Variants in KIR2DL4 observed in about 807,000 individuals in gnomAD.
The protein encoded by KIR2DL4 is killer cell immunoglobulin-like receptor 2DL4.
In KIR2DL4, 41 loss-of-function variants were observed where a neutral mutation model predicts 31.0. The observed-to-expected ratio is 1.32, with a 90% confidence interval of 1.03 to 1.72. KIR2DL4 has a LOEUF of 1.72. KIR2DL4 is among the 40% of genes most tolerant of loss of function. The pLI is 0.00. For synonymous variants in KIR2DL4, 164 were observed against 133.6 expected (o/e 1.23, Z -1.57); for missense variants, 438 against 353.7 (o/e 1.24, Z -1.91).
chr19:54,807,241 T>C (rs2060583345), intron 4 of KIR2DL4, among the ~76,000 whole-genome samples: 1 of 150,568 alleles, frequency 6.6e-6, no homozygotes, highest in African/African-American at 2.5e-5. Context: ...ATTGTGTGTA[T>C]GTACTACTTT....
Position 54,808,890 on chromosome 19 carries a change from G to C in KIR2DL4, c.706+7G>C. On this transcript the variant is annotated splice_region_variant and intron_variant, in intron 5 of 7. Coordinates refer to ENST00000359085, the Ensembl canonical transcript of KIR2DL4. ...GAACCAAGCTTCAAAACTGGTAAGT[G>C]AAGGACCCCTCTTATCTCTGCTTTT... 3 of 1,602,372 alleles carry C rather than the reference G, an allele frequency of 1.9e-6. No individual in the cohort carries two copies. Among genetic ancestry groups the C allele is most frequent in the Non-Finnish European group, 2.6e-6 (3 of 1,172,194 alleles).
chr19:54,804,818 T>A (rs2060400853), exon 3 of KIR2DL4: 15 of 1,612,288 alleles, frequency 9.3e-6, no homozygotes, highest in Non-Finnish European at 1.1e-5. Flanking sequence ...CCTTCTGCTC[T>A]GCCTGGCCCA....
chr19:54,808,753 A>G, intron 4 of KIR2DL4, 80 bp from the exon 5 acceptor site: 7 of 1,080,536 alleles, frequency 6.5e-6, no homozygotes, highest in Non-Finnish European at 9.9e-6. Context: ...AATGTTGGCC[A>G]TGAACCAACC....
exon 8 of KIR2DL4, chr19:54,814,083 G>A: frequency 6.2e-7 from 1 of 1,611,862 alleles, no homozygotes. Context: ...CAGCTTGCCA[G>A]CTCTAATGTA....
chr19:54,812,636 C>A (rs2060930296), intron 5 of KIR2DL4, among the ~76,000 whole-genome samples: 2 of 150,318 alleles, frequency 1.3e-5, no homozygotes, highest in Admixed American at 6.6e-5. Context: ...CAGGCTGCTC[C>A]CACACTGACA....
chr19:54,805,257 A>G (rs1224337726), intron 3 of KIR2DL4, among the ~76,000 whole-genome samples, 180 bp downstream of exon 3: 1 of 151,214 alleles, frequency 6.6e-6, no homozygotes, highest in African/African-American at 2.4e-5. Flanking sequence ...CGATGGCCAC[A>G]TTGTAATCCT....
At position 54,805,004 on chromosome 19, in the gene KIR2DL4, A is replaced by C. The variant is rs1032536382; in HGVS notation, c.288A>C (p.Arg96Ser). ...CCCCAGCACACGCAGGGACCTACAG[A>C]TGTCGAGGTTTTCACCCGCACTCCC... is the stretch of plus-strand genomic sequence containing the variant. The change falls in exon 3 of 8, where the codon AGA (arginine) becomes AGC (serine). Residue 96 changes from arginine to serine, a missense_variant. Coordinates refer to ENST00000359085, the Ensembl canonical transcript of KIR2DL4. 7.8e-5 allele frequency: 125 copies of C among 1,611,752 alleles called. 2 individuals carry two copies. The African/African-American group carries it at 1.6e-3, about 20-fold the overall frequency.
chr19:54,805,904 G>A, intron 3 of KIR2DL4, 47 bp from the exon 4 acceptor site: 1 of 1,525,552 alleles, frequency 6.6e-7, no homozygotes, highest in Non-Finnish European at 8.9e-7. Flanking sequence ...GAGGGGAGCT[G>A]TGACAAGGAA....
intron 2 of KIR2DL4, 79 bp from the exon 3 acceptor site, chr19:54,804,713 TG>T: frequency 6.9e-7 from 1 of 1,447,476 alleles, no homozygotes; most frequent in Non-Finnish European, 9.5e-7. Context: ...AAAGAAGAAA[TG>T]GGGAGAATCT....
intron 5 of KIR2DL4, among the ~76,000 whole-genome samples, chr19:54,810,972 G>C (rs1265888334): frequency 4.0e-5 from 6 of 151,312 alleles, no homozygotes; most frequent in Non-Finnish European, 7.4e-5. Flanking sequence ...TGCCTGGTTT[G>C]ATTTTTCCTA....
Position 54,806,336 on chromosome 19 carries a change from T to A in KIR2DL4, c.655+92T>A, listed in dbSNP as rs1451327144. 3.2e-5 allele frequency: 43 copies of A among 1,354,522 alleles called. 2 individuals carry two copies. The highest frequency in any genetic ancestry group is 1.5e-4 in the Admixed American group (8 of 51,792). 83.9% of individuals were successfully genotyped at this position (1,354,522 alleles called of 1,614,324 possible). ...GATGATGGAGAGAAGCATGGACAGA[T>A]GTGGAGAGAAGATGCAGCATGGTGT... On this transcript the variant is annotated intron_variant, in intron 4 of 7. Coordinates refer to ENST00000359085, the Ensembl canonical transcript of KIR2DL4.
intron 1 of KIR2DL4, 70 bp downstream of exon 1, chr19:54,803,761 A>C: frequency 6.3e-7 from 1 of 1,581,758 alleles, no homozygotes; most frequent in South Asian, 1.1e-5. Flanking sequence ...TCCCCAGCAG[A>C]GAGCCATGTT....
chr19:54,810,285 AT>A (rs199888594), intron 5 of KIR2DL4, among the ~76,000 whole-genome samples: 6 of 142,476 alleles, frequency 4.2e-5, no homozygotes, highest in South Asian at 2.5e-4. Flanking sequence ...CGCCTGGCTA[AT>A]TTTTTTTTGG....
At chr19:54,808,729 A>G in intron 4 of KIR2DL4, 104 bp from the exon 5 acceptor site, 2 of 883,522 alleles carry the variant, frequency 2.3e-6, no homozygotes, top group Non-Finnish European at 3.8e-6. Flanking sequence ...CCAGGGCCCA[A>G]CATTAGATAA....
intron 4 of KIR2DL4, 101 bp from the exon 5 acceptor site, chr19:54,808,732 T>G: frequency 1.1e-6 from 1 of 888,880 alleles, no homozygotes; most frequent in Non-Finnish European, 1.9e-6. Context: ...GGGCCCAACA[T>G]TAGATAATAG....
chr19:54,808,947 A>G, intron 5 of KIR2DL4, 64 bp downstream of exon 5: 1 of 1,313,884 alleles, frequency 7.6e-7, no homozygotes, highest in Non-Finnish European at 1.1e-6. Context: ...CCTTGGATTC[A>G]AGCGTTGGCT....
Position 54,810,311 on chromosome 19 carries a change from A to G in KIR2DL4, c.706+1428A>G, listed in dbSNP as rs1296863557. 2.3e-4 allele frequency among the ~76,000 whole-genome samples: 35 copies of G among 150,220 alleles called. 1 individual carries two copies. The highest frequency in any genetic ancestry group is 4.7e-4 in the Non-Finnish European group (32 of 67,702). ...TTTTTTTTTGGTATTTTTTTTTAGT[A>G]CAGACAAGGTTTTACCATGTTGCCC... On this transcript the variant is annotated intron_variant, in intron 5 of 7. Coordinates refer to ENST00000359085, the Ensembl canonical transcript of KIR2DL4.
chr19:54,813,685 T>G lies in KIR2DL4; in HGVS notation c.811-5T>G. ...AGCTGTTTTGATTGCTTCCGTCTCCTACAGATGCTGCTGTAATGAACCAAG... is the reference window on the plus strand; with the variant it reads ...AGCTGTTTTGATTGCTTCCGTCTCCGACAGATGCTGCTGTAATGAACCAAG... On this transcript the variant is annotated splice_polypyrimidine_tract_variant and splice_region_variant and intron_variant, in intron 6 of 7. Coordinates refer to ENST00000359085, the Ensembl canonical transcript of KIR2DL4. 6.2e-7 allele frequency: 1 copy of G among 1,611,818 alleles called. No individual in the cohort carries two copies. Among genetic ancestry groups the G allele is most frequent in the Non-Finnish European group, 8.5e-7 (1 of 1,179,456 alleles).
rs182171195 is a variant in KIR2DL4 at position 54,805,836 on chromosome 19, G to A, written c.362-115G>A. 9.0e-4 allele frequency: 829 copies of A among 921,324 alleles called. 34 individuals are homozygous for A. The African/African-American group carries it at 0.013, about 14-fold the overall frequency. 57.1% of individuals were successfully genotyped at this position (921,324 alleles called of 1,614,324 possible). A position where few individuals can be genotyped will look rare whatever the true frequency, so the allele number is the denominator to read the frequency against. Reference sequence around the variant, plus strand: ...AGGAAGAGTTGGGGGTGGAGGGTGAGAGAGAGAGAGAGAGCACTAGGCCAT... The same window carrying A: ...AGGAAGAGTTGGGGGTGGAGGGTGAAAGAGAGAGAGAGAGCACTAGGCCAT... On this transcript the variant is annotated intron_variant, in intron 3 of 7. Coordinates refer to ENST00000359085, the Ensembl canonical transcript of KIR2DL4.
Sources: allele counts gnomAD v4.1 joint callset (sites outside exome capture counted in the v4.1 genomes callset), GRCh38; gene constraint gnomAD v4.1.1; transcripts MANE v1.5; gene names NCBI Gene and HGNC (gene_info 2026-07-23, HGNC 2026-07-21).